Variants in SLC2A2 observed in about 807,000 individuals in gnomAD.
The protein encoded by SLC2A2 is solute carrier family 2 member 2, also known as solute carrier family 2, facilitated glucose transporter member 2.
SLC2A2 carries 36 observed loss-of-function variants against 54.5 expected under a neutral mutation model. The ratio of observed to expected loss-of-function variants is 0.66; its 90% CI spans 0.51 to 0.87. SLC2A2 has a LOEUF of 0.87. Ranked by LOEUF, SLC2A2 falls within the 40% of genes least tolerant of loss-of-function variation. The probability of loss-of-function intolerance (pLI) is 0.00; values close to 1 mark genes in which losing one functional copy is unlikely to be tolerated. For missense variants in SLC2A2, 543 were observed against 624.3 expected, an observed-to-expected ratio of 0.87 and a Z score of 1.39; for synonymous variants, 223 against 219.1, an observed-to-expected ratio of 1.02 and a Z score of -0.16.
At chr3:171,024,785 C>T (rs1025411988) in intron 1 of SLC2A2, among the ~76,000 whole-genome samples, 37 of 152,270 alleles carry the variant, frequency 2.4e-4, no homozygotes, top group African/African-American at 8.9e-4. Flanking sequence ...GGTCTCTTGA[C>T]CCCAGTTCCT....
At position 170,996,957 on chromosome 3, in the gene SLC2A2, A is replaced by G; in HGVS notation, c.*946T>C. On this transcript the variant is annotated 3_prime_UTR_variant, in exon 11 of 11. Transcript: ENST00000314251. ...AATAATTCAGAAAATATTTTTAACA[A>G]AGTGATCAATCCTTTACTTCAAATT... 1 of 276,572 alleles carries G rather than the reference A, an allele frequency of 3.6e-6. No individual in the cohort carries two copies. The highest frequency in any genetic ancestry group is 6.7e-6 in the Non-Finnish European group (1 of 149,624). The allele number at this position is 276,572 out of a possible 1,614,324, so 17.1% of individuals were successfully genotyped here.
chr3:170,997,733 C>A lies in SLC2A2; in HGVS notation c.*170G>T. 1 of 645,270 alleles carries A rather than the reference C, an allele frequency of 1.5e-6. No homozygotes were observed. 40.0% of individuals were successfully genotyped at this position (645,270 alleles called of 1,614,324 possible). A position where few individuals can be genotyped will look rare whatever the true frequency, so the allele number is the denominator to read the frequency against. On this transcript the variant is annotated 3_prime_UTR_variant, in exon 11 of 11. Coordinates refer to ENST00000314251, the MANE Select transcript of SLC2A2 (RefSeq NM_000340.2). ...AGTCTTACCATCAAAAATATATTCT[C>A]TAACTTAAAAAAATACTTTTTTGGT...
chr3:171,014,506 A>G lies in SLC2A2; in HGVS notation c.334T>C (p.Ser112Pro). ...SSFAVGGMTA[S>P]FFGGWLGDTL... Reference sequence around the variant, plus strand: ...TCCCCAAGCCACCCACCAAAGAATGATGCAGTCATTCCACCAACTGCAAAG... The same window carrying G: ...TCCCCAAGCCACCCACCAAAGAATGGTGCAGTCATTCCACCAACTGCAAAG... Residue 112 changes from serine (S) to proline (P), a missense_variant, in exon 3 of 11, where the codon TCA becomes CCA. Ser to Pro is a moderately conservative substitution (Grantham distance 74). This residue lies in a region of SLC2A2 where 318 missense variants were observed against 343.8 expected (regional missense o/e 0.93). Transcript: ENST00000314251. 6.2e-7 allele frequency: 1 copy of G among 1,614,174 alleles called. No homozygotes were observed. Among genetic ancestry groups the G allele is most frequent in the Non-Finnish European group, 8.5e-7 (1 of 1,180,000 alleles).
In SLC2A2 at chr3:171,009,912, GGTGTGT is replaced by G. The variant is rs71176588; in HGVS notation, c.496+40_496+45del. The stretch of plus-strand genomic sequence containing the variant: ...TTAGAGTTACTTTCAGACAAAGGTA[GGTGTGT>G]GTGTGTGTGTGTGTGTGTGTGTGTG... On this transcript the variant is annotated intron_variant, in intron 4 of 10. Transcript: ENST00000314251. The G allele has an allele frequency of 1.2e-3, 1,535 of 1,322,060 alleles. 3 individuals are homozygous for G. Among genetic ancestry groups the G allele is most frequent in the African/African-American group, 6.1e-3 (289 of 47,350 alleles). The allele number at this position is 1,322,060 out of a possible 1,614,324, so 81.9% of individuals were successfully genotyped here.
chr3:171,006,947 C>T (rs1008384153), intron 5 of SLC2A2, among the ~76,000 whole-genome samples: 5 of 151,934 alleles, frequency 3.3e-5, no homozygotes, highest in African/African-American at 1.2e-4. Context: ...GAACGAAAAA[C>T]TCTATGTCTC....
intron 5 of SLC2A2, 138 bp from the exon 6 acceptor site, chr3:171,006,243 C>T (rs1011086243): frequency 4.5e-5 from 31 of 681,340 alleles, no homozygotes; most frequent in Admixed American, 2.5e-4. Context: ...GAAACTGTTA[C>T]TATTGTATCT....
chr3:171,010,147 A>G (rs1715818138), intron 3 of SLC2A2, 65 bp from the exon 4 acceptor site: 4 of 1,532,724 alleles, frequency 2.6e-6, no homozygotes, highest in Non-Finnish European at 3.6e-6. Flanking sequence ...ATTCGCTTTC[A>G]GAGCATGTTG....
rs1175083694 is a variant in SLC2A2 at position 171,000,996 on chromosome 3, C to G, written c.1068+1580G>C. ...CTGGAGGCTTAATTAATGATTTGGA[C>G]TGGTTTTAAAAGATTATGTCACTTC... On this transcript the variant is annotated intron_variant, in intron 8 of 10. Coordinates refer to ENST00000314251, the MANE Select transcript of SLC2A2 (RefSeq NM_000340.2). 2.0e-5 allele frequency among the ~76,000 whole-genome samples: 3 copies of G among 152,084 alleles called. 1 individual carries two copies. Among genetic ancestry groups the G allele is most frequent in the Middle Eastern group, 3.4e-3 (1 of 294 alleles).
At chr3:170,998,959 G>C (rs747207232) in intron 9 of SLC2A2, 106 bp downstream of exon 9, 141 of 790,580 alleles carry the variant, frequency 1.8e-4, no homozygotes, top group Non-Finnish European at 2.8e-4. Context: ...TATTTCGTAA[G>C]TCAGTCTCAA....
chr3:171,025,257 A>T lies in SLC2A2; in HGVS notation c.15+1399T>A, dbSNP rs376827200. Among the ~76,000 whole-genome samples the T allele has an allele frequency of 2.0e-5, 3 of 151,112 alleles. No individual in the cohort carries two copies. In the South Asian group the frequency reaches 6.2e-4, roughly 31 times the overall value. On this transcript the variant is annotated intron_variant, in intron 1 of 10. Coordinates refer to ENST00000314251, the MANE Select transcript of SLC2A2 (RefSeq NM_000340.2). ...AAATAGCATTTTATATTTAACTTTA[A>T]ATATCAAACATATAAATGGTGCTTA... is the stretch of plus-strand genomic sequence containing the variant.
At chr3:171,012,725 A>G (rs922031393) in intron 3 of SLC2A2, among the ~76,000 whole-genome samples, 1 of 152,186 alleles carries the variant, frequency 6.6e-6, no homozygotes, top group Non-Finnish European at 1.5e-5. Context: ...CTCTAGAAAG[A>G]TAATTTTATG....
At chr3:171,011,915 C>T (rs1715900714) in intron 3 of SLC2A2, among the ~76,000 whole-genome samples, 2 of 152,092 alleles carry the variant, frequency 1.3e-5, no homozygotes, top group African/African-American at 4.8e-5. Context: ...GATGCAGGAA[C>T]ACTTTATGTA....
At chr3:171,014,766 A>G in intron 2 of SLC2A2, 35 bp from the exon 3 acceptor site, 1 of 1,565,072 alleles carries the variant, frequency 6.4e-7, no homozygotes, top group South Asian at 1.1e-5. Flanking sequence ...TACTATTTCA[A>G]ACATTCTATG....
In SLC2A2 at chr3:170,998,193, C is replaced by T. The variant is rs770005963; in HGVS notation, c.1374G>A (p.Ala458=). 9 of 1,613,522 alleles carry T rather than the reference C, an allele frequency of 5.6e-6. No homozygotes were observed. The highest frequency in any genetic ancestry group is 7.6e-6 in the Non-Finnish European group (9 of 1,179,672). ...FIVALCFQYI[A]DFCGPYVFFL... is the part of the protein sequence containing the mutation. ...ATCTGTGGAATATTAGGCTGCTTAC[C>T]GCAATGTACTGGAAACACAGAGCTA... Residue 458 remains alanine, a splice_region_variant and synonymous_variant, in exon 10 of 11, where the codon GCG becomes GCA. Coordinates refer to ENST00000314251, the MANE Select transcript of SLC2A2 (RefSeq NM_000340.2).
rs755000812 is a variant in SLC2A2 at position 170,999,138 on chromosome 3, C to T, written c.1097G>A (p.Arg366His). ...SVFLVEKAGR[R>H]SLFLIGMSGM... is the part of the protein sequence containing the mutation. ...ACTCATTCCAATTAGAAAGAGAGAA[C>T]GTCGCCCTGCCTTCTCCACAAGGAA... Residue 366 changes from arginine (R) to histidine (H), a missense_variant, in exon 9 of 11, where the codon CGT becomes CAT. Coordinates refer to ENST00000314251, the MANE Select transcript of SLC2A2 (RefSeq NM_000340.2). The T allele has an allele frequency of 9.9e-6, 16 of 1,612,078 alleles. No homozygotes were observed. Among genetic ancestry groups the T allele is most frequent in the East Asian group, 4.5e-5 (2 of 44,856 alleles).
Position 170,998,411 on chromosome 3 carries a change from A to G in SLC2A2, c.1171-15T>C, listed in dbSNP as rs755744147. 1 of 1,608,900 alleles carries G rather than the reference A, an allele frequency of 6.2e-7. No individual in the cohort carries two copies. The highest frequency in any genetic ancestry group is 1.7e-5 in the Admixed American group (1 of 59,866). ...GAGAACTTATTCTGAGGAAAAAAAC[A>G]AAAACAATAGTGGGACTGAGATCAT... is the stretch of plus-strand genomic sequence containing the variant. On this transcript the variant is annotated splice_polypyrimidine_tract_variant and intron_variant, in intron 9 of 10. Transcript: ENST00000314251.
intron 9 of SLC2A2, 146 bp from the exon 10 acceptor site, chr3:170,998,542 G>T: frequency 1.5e-6 from 1 of 680,908 alleles, no homozygotes; most frequent in Non-Finnish European, 2.6e-6. Context: ...TATTCTGAGA[G>T]AAATTATTCT....
intron 7 of SLC2A2, among the ~76,000 whole-genome samples, 180 bp from the exon 8 acceptor site, chr3:171,002,860 GCTT>G (rs2108239532): frequency 6.6e-6 from 1 of 152,110 alleles, no homozygotes; most frequent in South Asian, 2.1e-4. Context: ...AGTGTTTAAA[GCTT>G]CTGATTGCTT....
At position 170,998,062 on chromosome 3, in the gene SLC2A2, C is replaced by T; in HGVS notation, c.1416G>A (p.Val472=). 6.2e-7 allele frequency: 1 copy of T among 1,613,652 alleles called. No individual in the cohort carries two copies. The highest frequency in any genetic ancestry group is 8.5e-7 in the Non-Finnish European group (1 of 1,179,808). The change falls in exon 11 of 11, where the codon GTG becomes GTA. Residue 472 remains valine, a synonymous_variant. Transcript: ENST00000314251. ...ATGTGAACAGGGTAAAGGCCAGGAG[C>T]ACTCCAGCAAAGAGGAAAAACACAT... ...GPYVFFLFAG[V]LLAFTLFTFF...
Sources: gnomAD v4.1 joint callset for allele counts (sites outside exome capture counted in the v4.1 genomes callset) on GRCh38, gnomAD v4.1.1 for gene constraint, gnomAD v4.1.1 regional missense constraint, MANE v1.5 for transcripts, NCBI Gene and HGNC (gene_info 2026-07-23, HGNC 2026-07-21) for gene names.